URB2: variants seen among roughly 807,000 people sequenced by gnomAD.
URB2 encodes the protein unhealthy ribosome biogenesis protein 2 homolog.
In URB2, 86 loss-of-function variants were observed where a neutral mutation model predicts 120.9. The observed-to-expected ratio is 0.71, with a 90% CI of 0.60 to 0.85. The LOEUF (loss-of-function observed/expected upper bound fraction) is 0.85. Ranked by LOEUF, URB2 falls within the 40% of genes least tolerant of loss-of-function variation. The pLI is 0.00. For synonymous variants in URB2, 755 were observed against 758.4 expected (o/e 1.00, Z 0.07); for missense variants, 1,765 against 1,836.5 (o/e 0.96, Z 0.71).
Position 229,635,823 on chromosome 1 carries a change from C to G in URB2, c.1210C>G (p.Pro404Ala), listed in dbSNP as rs1356268479. ...AELLINHAQA[P>A]IPAWFRCLKT... ...GCTGCTGATAAACCATGCACAAGCACCCATACCGGCCTGGTTCCGCTGTCT... is the reference window on the plus strand; with the variant it reads ...GCTGCTGATAAACCATGCACAAGCAGCCATACCGGCCTGGTTCCGCTGTCT... Residue 404 changes from proline (P) to alanine (A), a missense_variant, in exon 4 of 10, where the codon CCC becomes GCC. Pro to Ala is a conservative substitution (Grantham distance 27). Coordinates refer to ENST00000258243, the MANE Select transcript of URB2 (RefSeq NM_014777.4). 1 of 1,614,118 alleles carries G rather than the reference C, an allele frequency of 6.2e-7. No homozygotes were observed.
At position 229,638,195 on chromosome 1, in the gene URB2, A is replaced by G. The variant is rs927021070; in HGVS notation, c.3582A>G (p.Lys1194=). The change falls in exon 4 of 10, where the codon AAA becomes AAG. Residue 1194 remains lysine (K), a synonymous_variant. Transcript: ENST00000258243. ...LFFLAPELHP[K]KDSVFTSMFH... is the part of the protein sequence containing the mutation. ...TTTTGGCCCCAGAACTGCATCCCAA[A>G]AAGGACTCCGTGTTTACCTCCATGT... The G allele has an allele frequency of 2.6e-5, 42 of 1,613,426 alleles. No individual in the cohort carries two copies. The highest frequency in any genetic ancestry group is 1.1e-5 in the Non-Finnish European group (13 of 1,179,784).
At chr1:229,655,700 T>C (rs1666391048) in intron 9 of URB2, among the ~76,000 whole-genome samples, 1 of 152,256 alleles carries the variant, frequency 6.6e-6, no homozygotes, top group South Asian at 2.1e-4. Context: ...TGTATTCTTT[T>C]GACTGTCTTC....
intron 4 of URB2, among the ~76,000 whole-genome samples, chr1:229,642,583 G>A (rs760242141): frequency 1.3e-5 from 2 of 152,172 alleles, no homozygotes; most frequent in African/African-American, 2.4e-5. Flanking sequence ...GGCTTTGGGC[G>A]TTATTGTGAA....
chr1:229,634,893 TTTTC>T lies in URB2; in HGVS notation c.304-13_304-10del. ...GTATGGGTTTAAGGTCAGTAATGAA[TTTTC>T]TTTCTTTCTTAATGTTCAGATCATC... is the stretch of plus-strand genomic sequence containing the variant. On this transcript the variant is annotated intron_variant, in intron 3 of 9. Coordinates refer to ENST00000258243, the MANE Select transcript of URB2 (RefSeq NM_014777.4). 2 of 1,505,752 alleles carry T rather than the reference TTTTC, an allele frequency of 1.3e-6. No individual in the cohort carries two copies. Among genetic ancestry groups the T allele is most frequent in the Non-Finnish European group, 8.9e-7 (1 of 1,126,746 alleles). The allele number at this position is 1,505,752 out of a possible 1,614,324, so 93.3% of individuals were successfully genotyped here.
intron 9 of URB2, among the ~76,000 whole-genome samples, chr1:229,657,475 T>C (rs1444756106): frequency 6.6e-6 from 1 of 152,230 alleles, no homozygotes; most frequent in Non-Finnish European, 1.5e-5. Flanking sequence ...GGGAGGTCAC[T>C]GAACCTCATT....
intron 1 of URB2, among the ~76,000 whole-genome samples, chr1:229,626,597 T>G (rs1665486803): frequency 6.6e-6 from 1 of 152,258 alleles, no homozygotes; most frequent in Admixed American, 6.5e-5. Context: ...TTCTTGTTGC[T>G]TGGTCTCTTT....
rs2102784699 is a variant in URB2, at chr1:229,636,035, G to A, written c.1422G>A (p.Leu474=). The A allele has an allele frequency of 6.2e-7, 1 of 1,614,112 alleles. No individual in the cohort carries two copies. The highest frequency in any genetic ancestry group is 8.5e-7 in the Non-Finnish European group (1 of 1,179,954). The change falls in exon 4 of 10, where the codon TTG becomes TTA. Residue 474 remains leucine, a synonymous_variant. Transcript: ENST00000258243. Reference sequence around the variant, plus strand: ...TGCCACGGTTGTTTGAAGAGGTTTTGGGGGTGATCTGTCGTCCAGCTGCTG... The same window carrying A: ...TGCCACGGTTGTTTGAAGAGGTTTTAGGGGTGATCTGTCGTCCAGCTGCTG... ...RQVPRLFEEV[L]GVICRPAAEA... is the part of the protein sequence containing the mutation.
intron 2 of URB2, 52 bp downstream of exon 2, chr1:229,627,811 C>A: frequency 6.6e-7 from 1 of 1,516,136 alleles, no homozygotes. Context: ...ATAATTATCA[C>A]TTTTATAATT....
intron 9 of URB2, among the ~76,000 whole-genome samples, chr1:229,655,605 T>C (rs1178599847): frequency 1.3e-5 from 2 of 152,208 alleles, no homozygotes; most frequent in East Asian, 1.9e-4. Flanking sequence ...GTGTGACCCA[T>C]AGTAAGTTCA....
chr1:229,636,940 A>G lies in URB2; in HGVS notation c.2327A>G (p.Gln776Arg). ...LLRTLPMGKA[Q>R]EVSIDEEAYI... The stretch of plus-strand genomic sequence containing the variant: ...AGAACTTTACCCATGGGCAAAGCCC[A>G]GGAAGTCTCAATAGATGAAGAGGCA... Residue 776 changes from glutamine to arginine, a missense_variant, in exon 4 of 10, where the codon CAG becomes CGG. By Grantham distance (43) the Gln-to-Arg change is conservative. Coordinates refer to ENST00000258243, the MANE Select transcript of URB2 (RefSeq NM_014777.4). 1.2e-6 allele frequency: 2 copies of G among 1,613,952 alleles called. No individual in the cohort carries two copies. The highest frequency in any genetic ancestry group is 1.7e-6 in the Non-Finnish European group (2 of 1,179,916).
intron 4 of URB2, 74 bp from the exon 5 acceptor site, chr1:229,643,459 G>A (rs1666060774): frequency 1.3e-6 from 2 of 1,578,170 alleles, no homozygotes; most frequent in Non-Finnish European, 1.7e-6. Context: ...GCTGTGCGCA[G>A]TTTCATCCTA....
intron 4 of URB2, among the ~76,000 whole-genome samples, chr1:229,639,787 T>G (rs1665956484): frequency 6.6e-6 from 1 of 152,152 alleles, no homozygotes; most frequent in African/African-American, 2.4e-5. Context: ...TCAAAGTGTT[T>G]TAGTCTGAAG....
At chr1:229,656,861 T>C (rs901786101) in intron 9 of URB2, among the ~76,000 whole-genome samples, 1 of 152,244 alleles carries the variant, frequency 6.6e-6, no homozygotes, top group Non-Finnish European at 1.5e-5. Context: ...AAATTTACAA[T>C]GTCCCTCTAC....
Position 229,628,135 on chromosome 1 carries a change from AAT to A in URB2, c.126+386_126+387del, listed in dbSNP as rs199699286. Among the ~76,000 whole-genome samples the A allele has an allele frequency of 6.3e-3, 781 of 123,342 alleles. 13 individuals are homozygous for A. Among genetic ancestry groups the A allele is most frequent in the African/African-American group, 0.018 (536 of 29,046 alleles). The allele number at this position is 123,342 out of a possible 152,430, so 80.9% of individuals were successfully genotyped here. A position where few individuals can be genotyped will look rare whatever the true frequency, so the allele number is the denominator to read the frequency against. On this transcript the variant is annotated intron_variant, in intron 2 of 9. Coordinates refer to ENST00000258243, the MANE Select transcript of URB2 (RefSeq NM_014777.4). ...TATATATATGTATATATACATATATAATATATATATAATATATATAGTATATG... is the reference window on the plus strand; with the variant it reads ...TATATATATGTATATATACATATATAATATATATAATATATATAGTATATG...
rs931849672 is a variant in URB2 at position 229,635,921 on chromosome 1, C to T, written c.1308C>T (p.Ile436=). 1.6e-5 allele frequency: 26 copies of T among 1,614,196 alleles called. 2 individuals carry two copies. The East Asian group carries it at 3.3e-4, about 21-fold the overall frequency. The change falls in exon 4 of 10, where the codon ATC becomes ATT. Residue 436 remains isoleucine (I), a synonymous_variant. Coordinates refer to ENST00000258243, the MANE Select transcript of URB2 (RefSeq NM_014777.4). The stretch of plus-strand genomic sequence containing the variant: ...ATGACCTGCTGGCTTCAGCGTGGAT[C>T]GATGCCGAGGTAACAGAGTTTCGAA... ...DLDDLLASAW[I]DAEVTEFRTK...
At chr1:229,626,653 C>G (rs1013863827) in intron 1 of URB2, among the ~76,000 whole-genome samples, 1 of 152,268 alleles carries the variant, frequency 6.6e-6, no homozygotes, top group African/African-American at 2.4e-5. Flanking sequence ...CCGCCCTGGA[C>G]TTCGCATTGC....
rs1352437767 is a variant in URB2 at position 229,643,688 on chromosome 1, G to T, written c.3790G>T (p.Val1264Leu). Residue 1264 changes from valine (V) to leucine (L), a missense_variant, in exon 5 of 10, where the codon GTG becomes TTG. Transcript: ENST00000258243. ...LDVSNMWKAD[V>L]QAVVSAVTLL... ...TGTCAGTAACATGTGGAAAGCAGAT[G>T]TGCAGGTGGGTGCCTTCTCCCTCCT... is the stretch of plus-strand genomic sequence containing the variant. 2 of 1,611,038 alleles carry T rather than the reference G, an allele frequency of 1.2e-6. No homozygotes were observed. The highest frequency in any genetic ancestry group is 1.7e-6 in the Non-Finnish European group (2 of 1,178,648).
At chr1:229,632,233 A>T (rs1665686184) in intron 2 of URB2, 36 bp from the exon 3 acceptor site, 1 of 1,484,460 alleles carries the variant, frequency 6.7e-7, no homozygotes, top group South Asian at 1.5e-5. Flanking sequence ...CTCAGCAAAT[A>T]AATTTATTTT....
At chr1:229,646,579 TGTGTGTG>T (rs1438886347) in intron 6 of URB2, among the ~76,000 whole-genome samples, 3 of 152,198 alleles carry the variant, frequency 2.0e-5, no homozygotes, top group Admixed American at 2.0e-4. Flanking sequence ...GTTGTATGTG[TGTGTGTG>T]TTTAAGGCCT....
Sources: allele counts gnomAD v4.1 joint callset (sites outside exome capture counted in the v4.1 genomes callset), GRCh38; gene constraint gnomAD v4.1.1; transcripts MANE v1.5; gene names NCBI Gene and HGNC (gene_info 2026-07-23, HGNC 2026-07-21).